Variants in CEP164 observed in about 807,000 individuals in gnomAD.
CEP164 encodes the protein centrosomal protein of 164 kDa.
A neutral mutation model predicts 182.7 loss-of-function variants in CEP164; 162 were observed. The observed-to-expected ratio is 0.89, with a 90% CI of 0.78 to 1.01. CEP164 has a LOEUF of 1.01. Ranked by LOEUF, CEP164 falls within the 50% of genes least tolerant of loss-of-function variation. The pLI is 0.00. For missense variants in CEP164, 1,735 were observed against 1,790.4 expected (o/e 0.97, Z 0.56); for synonymous variants, 661 against 690.0 (o/e 0.96, Z 0.66).
At chr11:117,385,420 G>C (rs2043836795) in intron 14 of CEP164, 1 of 152,270 alleles carries the variant, frequency 6.6e-6, no homozygotes, top group Non-Finnish European at 1.5e-5. Context: ...CAGTGCGAGG[G>C]AGAAGAGGTC....
chr11:117,348,965 G>A (rs894125319), intron 4 of CEP164, among the ~76,000 whole-genome samples: 1 of 152,142 alleles, frequency 6.6e-6, no homozygotes, highest in African/African-American at 2.4e-5. Context: ...TAGCATGCGT[G>A]AGAATTCTTT....
At chr11:117,405,587 G>T (rs2046586900) in intron 27 of CEP164, among the ~76,000 whole-genome samples, 1 of 152,170 alleles carries the variant, frequency 6.6e-6, no homozygotes, top group South Asian at 2.1e-4. Flanking sequence ...GACTGGAGCT[G>T]TTCCTATTCA....
At chr11:117,369,147 A>C (rs2135861490) in intron 8 of CEP164, among the ~76,000 whole-genome samples, 1 of 152,304 alleles carries the variant, frequency 6.6e-6, no homozygotes, top group East Asian at 1.9e-4. Flanking sequence ...TGGCACATAG[A>C]ATGTGCTCAG....
At chr11:117,353,234 A>C (rs906685427) in intron 5 of CEP164, among the ~76,000 whole-genome samples, 12 of 152,102 alleles carry the variant, frequency 7.9e-5, no homozygotes, top group African/African-American at 2.9e-4. Context: ...TTCCCTCCAG[A>C]GCCTTGTGCT....
rs138449146 is a variant in CEP164, at chr11:117,344,273, C to G, written c.190C>G (p.Pro64Ala). 1.4e-5 allele frequency: 23 copies of G among 1,610,254 alleles called. No individual in the cohort carries two copies. The highest frequency in any genetic ancestry group is 2.0e-5 in the Non-Finnish European group (23 of 1,177,720). The change falls in exon 4 of 33, where the codon CCA becomes GCA. Residue 64 changes from proline to alanine, a missense_variant. Coordinates refer to ENST00000278935, the MANE Select transcript of CEP164 (RefSeq NM_014956.5). Reference sequence around the variant, plus strand: ...GGCCCCACTGCCTGGAGAGTGGAAACCATGGTAAGTCAGCAGGGGGTGCGG... The same window carrying G: ...GGCCCCACTGCCTGGAGAGTGGAAAGCATGGTAAGTCAGCAGGGGGTGCGG... ...IVAPLPGEWK[P>A]CQDITGDIYY...
intron 10 of CEP164, 133 bp downstream of exon 10, chr11:117,373,964 A>G: frequency 1.5e-6 from 1 of 680,606 alleles, no homozygotes; most frequent in Non-Finnish European, 2.6e-6. Flanking sequence ...AGTCTTGTCT[A>G]GCTCCAGTTT....
At chr11:117,385,996 T>C (rs2043906128) in intron 14 of CEP164, 1 of 152,250 alleles carries the variant, frequency 6.6e-6, no homozygotes, top group African/African-American at 2.4e-5. Context: ...TCCTGCCCGC[T>C]GCTTTCCATC....
At chr11:117,347,425 C>G (rs1026041199) in intron 4 of CEP164, among the ~76,000 whole-genome samples, 2 of 152,018 alleles carry the variant, frequency 1.3e-5, no homozygotes, top group Admixed American at 1.3e-4. Context: ...TTGTCAGTTT[C>G]CAAGGCTGGG....
rs369322915 is a variant in CEP164, at chr11:117,391,085, A to T, written c.2153A>T (p.Asn718Ile). Reference protein sequence around the residue: ...KAERASLEQKNRQMLEQLKEE... With the variant: ...KAERASLEQKIRQMLEQLKEE... Reference sequence around the variant, plus strand: ...GAGAGGGCCAGCTTGGAACAGAAAAATAGGCAAATGCTGGAGCAGCTCAAG... The same window carrying T: ...GAGAGGGCCAGCTTGGAACAGAAAATTAGGCAAATGCTGGAGCAGCTCAAG... Residue 718 changes from asparagine (N) to isoleucine (I), a missense_variant, in exon 17 of 33, where the codon AAT becomes ATT. Asn to Ile is a moderately radical substitution (Grantham distance 149). Transcript: ENST00000278935. 9.2e-5 allele frequency: 149 copies of T among 1,614,012 alleles called. 1 individual carries two copies. In the Middle Eastern group the frequency reaches 4.3e-3, roughly 46 times the overall value.
intron 4 of CEP164, among the ~76,000 whole-genome samples, chr11:117,347,563 A>T (rs2039065167): frequency 6.6e-6 from 1 of 152,038 alleles, no homozygotes; most frequent in Non-Finnish European, 1.5e-5. Flanking sequence ...ATGCAAAATT[A>T]GCCAGGCGTG....
intron 11 of CEP164, among the ~76,000 whole-genome samples, chr11:117,379,308 G>C (rs534329953): frequency 6.6e-6 from 1 of 152,308 alleles, no homozygotes; most frequent in Admixed American, 6.5e-5. Flanking sequence ...CAGATGGCAG[G>C]GTTAGCCACA....
At chr11:117,371,587 CT>C in intron 9 of CEP164, 121 bp downstream of exon 9, 1 of 1,201,992 alleles carries the variant, frequency 8.3e-7, no homozygotes, top group Non-Finnish European at 1.1e-6. Flanking sequence ...TTGCGTGTCC[CT>C]GCACTGGGCT....
chr11:117,405,779 C>G (rs2046607052), intron 27 of CEP164, among the ~76,000 whole-genome samples: 1 of 152,230 alleles, frequency 6.6e-6, no homozygotes, highest in Non-Finnish European at 1.5e-5. Context: ...TCATCTCTCT[C>G]AAGTTCAAAG....
intron 3 of CEP164, among the ~76,000 whole-genome samples, chr11:117,342,078 G>T (rs1337514937): frequency 6.6e-6 from 1 of 152,044 alleles, no homozygotes; most frequent in Non-Finnish European, 1.5e-5. Flanking sequence ...TTTATCAGAA[G>T]CTTTAATTTT....
intron 2 of CEP164, 51 bp from the exon 3 acceptor site, chr11:117,338,515 T>G: frequency 7.3e-7 from 1 of 1,362,326 alleles, no homozygotes; most frequent in Non-Finnish European, 1.1e-6. Flanking sequence ...TTTTCCCCTG[T>G]TAAGCTTGGT....
chr11:117,355,508 C>T (rs1484510224), intron 5 of CEP164: 1 of 1,288,118 alleles, frequency 7.8e-7, no homozygotes, highest in African/African-American at 1.5e-5. Context: ...CCCCACTGGC[C>T]CTGGAGGGGA....
At chr11:117,330,404 G>A (rs1303193803) in intron 1 of CEP164, among the ~76,000 whole-genome samples, 1 of 152,214 alleles carries the variant, frequency 6.6e-6, no homozygotes, top group Non-Finnish European at 1.5e-5. Flanking sequence ...TGTAATCTCA[G>A]CACTTTGGGA....
chr11:117,398,193 A>G (rs2045714313), intron 27 of CEP164, among the ~76,000 whole-genome samples: 1 of 152,196 alleles, frequency 6.6e-6, no homozygotes, highest in Non-Finnish European at 1.5e-5. Context: ...AAAGCTCCAA[A>G]ATGATCTCCT....
chr11:117,399,405 C>G (rs2045895855), intron 27 of CEP164, among the ~76,000 whole-genome samples: 1 of 152,102 alleles, frequency 6.6e-6, no homozygotes, highest in Non-Finnish European at 1.5e-5. Context: ...TGGGTTGGTT[C>G]CAAGTCTTTG....
Sources: allele counts gnomAD v4.1 joint callset (sites outside exome capture counted in the v4.1 genomes callset), GRCh38; gene constraint gnomAD v4.1.1; transcripts MANE v1.5; gene names NCBI Gene and HGNC (gene_info 2026-07-23, HGNC 2026-07-21).